SLC25A25: variants seen among roughly 807,000 people sequenced by gnomAD.
SLC25A25 encodes the protein solute carrier family 25 member 25.
A neutral mutation model predicts 57.7 loss-of-function variants in SLC25A25; 32 were observed. The ratio of observed to expected loss-of-function variants is 0.55; its 90% CI spans 0.42 to 0.74. The LOEUF (loss-of-function observed/expected upper bound fraction) is 0.74, where lower values mean the gene tolerates loss of function less well. Ranked by LOEUF, SLC25A25 falls within the 30% of genes least tolerant of loss-of-function variation. SLC25A25 has a pLI of 0.00. For missense variants in SLC25A25, 556 were observed against 701.3 expected, an observed-to-expected ratio of 0.79 and a Z score of 2.34; for synonymous variants, 306 against 291.2, an observed-to-expected ratio of 1.05 and a Z score of -0.52.
At chr9:128,098,444 G>A in intron 1 of SLC25A25, 1 of 1,444,346 alleles carries the variant, frequency 6.9e-7, no homozygotes, top group Non-Finnish European at 9.1e-7. Context: ...TAAAAGGGCA[G>A]GGCTTAAGCA....
Position 128,099,763 on chromosome 9 carries a change from A to G in SLC25A25, c.262-1333A>G, listed in dbSNP as rs930561728. ...CACCTTTGGCAGCTGAGGAATCACA[A>G]GGCGCTGTCAGTAGTGTGTCTAAGA... On this transcript the variant is annotated intron_variant, in intron 1 of 10. Coordinates refer to ENST00000373069, the MANE Select transcript of SLC25A25 (RefSeq NM_001330988.2). The surrounding 1 kb of genome is among the most constrained non-coding windows in gnomAD (Gnocchi z 6.8). Among the ~76,000 whole-genome samples, 1 of 152,146 alleles carries G rather than the reference A, an allele frequency of 6.6e-6. No individual in the cohort carries two copies. The highest frequency in any genetic ancestry group is 1.5e-5 in the Non-Finnish European group (1 of 68,034).
rs1204617470 is a variant in SLC25A25 at position 128,098,547 on chromosome 9, G to A, written c.262-2549G>A. ...TGCTCCCGGTGGTGAGGGCAGTGGA[G>A]CACCCAGCAGGCCGCCAACATGCTC... On this transcript the variant is annotated intron_variant, in intron 1 of 10. Coordinates refer to ENST00000373069, the MANE Select transcript of SLC25A25 (RefSeq NM_001330988.2). The A allele has an allele frequency of 1.9e-6, 3 of 1,604,376 alleles. No homozygotes were observed. In the African/African-American group the frequency reaches 4.0e-5, roughly 21 times the overall value.
At chr9:128,082,852 C>CA (rs1232874348) in intron 1 of SLC25A25, among the ~76,000 whole-genome samples, 1 of 151,638 alleles carries the variant, frequency 6.6e-6, no homozygotes, top group Non-Finnish European at 1.5e-5. Context: ...AGGCTGGTCT[C>CA]AGGTGATCCA....
Position 128,095,459 on chromosome 9 carries a change from A to T in SLC25A25, c.262-5637A>T, listed in dbSNP as rs1414592099. Reference sequence around the variant, plus strand: ...CAGTCTGCAGTTCCAGGAATACAGCAGTTGTCCTGGACACTAGCACCTAGA... The same window carrying T: ...CAGTCTGCAGTTCCAGGAATACAGCTGTTGTCCTGGACACTAGCACCTAGA... On this transcript the variant is annotated intron_variant, in intron 1 of 10. Coordinates refer to ENST00000373069, the MANE Select transcript of SLC25A25 (RefSeq NM_001330988.2). The surrounding 1 kb of genome is among the most constrained non-coding windows in gnomAD (Gnocchi z 4.4). 1.3e-5 allele frequency among the ~76,000 whole-genome samples: 2 copies of T among 152,194 alleles called. No individual in the cohort carries two copies. Among genetic ancestry groups the T allele is most frequent in the African/African-American group, 2.4e-5 (1 of 41,436 alleles).
chr9:128,098,920 G>A, intron 1 of SLC25A25: 1 of 985,448 alleles, frequency 1.0e-6, no homozygotes, highest in African/African-American at 1.7e-5. Flanking sequence ...GACTTCCCAG[G>A]AAGGCTGGAA....
At chr9:128,104,831 AATTATTATTATTATT>A (rs57220788) in intron 6 of SLC25A25, among the ~76,000 whole-genome samples, 54 of 144,564 alleles carry the variant, frequency 3.7e-4, no homozygotes, top group African/African-American at 4.6e-4. Context: ...GATTTTTAAA[AATTATTATTATTATT>A]ATTATTATTA....
At chr9:128,083,936 C>T (rs1259348079) in intron 1 of SLC25A25, among the ~76,000 whole-genome samples, 2 of 152,186 alleles carry the variant, frequency 1.3e-5, no homozygotes, top group Non-Finnish European at 2.9e-5. Context: ...TCTTCTAAGA[C>T]TCCCTTGGGC....
intron 1 of SLC25A25, among the ~76,000 whole-genome samples, chr9:128,082,977 C>A (rs927785556): frequency 2.0e-5 from 3 of 151,900 alleles, no homozygotes; most frequent in Non-Finnish European, 4.4e-5. Context: ...GCCTGTAATC[C>A]CAGCATTCTG....
intron 1 of SLC25A25, chr9:128,098,764 A>T (rs1264261697): frequency 6.2e-7 from 1 of 1,603,902 alleles, no homozygotes; most frequent in Admixed American, 1.7e-5. Context: ...AGGCGCATTC[A>T]ACCGGTATTT....
rs917956614 is a variant in SLC25A25 at position 128,107,355 on chromosome 9, C to T, written c.1459C>T (p.Pro487Ser). The change falls in exon 11 of 11, where the codon CCC becomes TCC. Residue 487 changes from proline (P) to serine (S), a missense_variant. This residue lies in a region of SLC25A25 where 294 missense variants were observed against 389.6 expected (regional missense o/e 0.75). Coordinates refer to ENST00000373069, the MANE Select transcript of SLC25A25 (RefSeq NM_001330988.2). ...CTTCGGGCTGTACAGGGGGCTGGCC[C>T]CCAACTTCATGAAGGTCATCCCAGC... ...GAFGLYRGLAPNFMKVIPAVS... is the reference protein window; with the variant it reads ...GAFGLYRGLASNFMKVIPAVS... 6.6e-7 allele frequency: 1 copy of T among 1,516,998 alleles called. No individual in the cohort carries two copies. Among genetic ancestry groups the T allele is most frequent in the Non-Finnish European group, 8.8e-7 (1 of 1,131,308 alleles). 94.0% of individuals were successfully genotyped at this position (1,516,998 alleles called of 1,614,324 possible). A position where few individuals can be genotyped will look rare whatever the true frequency, so the allele number is the denominator to read the frequency against.
chr9:128,070,970 A>AG (rs34315350), intron 1 of SLC25A25, among the ~76,000 whole-genome samples: 15,806 of 56,046 alleles, frequency 0.28, 804 homozygotes, highest in Middle Eastern at 0.51. Flanking sequence ...AAAAAAAAAA[A>AG]AAAGAAAGAA....
In SLC25A25 at chr9:128,109,188, T is replaced by C. The variant is rs1051203666; in HGVS notation, c.*1744T>C. ...CGTCAAAAAGCAAATTAAGAAAGAA[T>C]TGGACGTTAGAAGTTGTCATTTAAA... is the stretch of plus-strand genomic sequence containing the variant. On this transcript the variant is annotated 3_prime_UTR_variant, in exon 11 of 11. Transcript: ENST00000373069. The C allele has an allele frequency of 1.3e-5, 2 of 152,542 alleles. No individual in the cohort carries two copies. The highest frequency in any genetic ancestry group is 2.9e-5 in the Non-Finnish European group (2 of 68,034). 9.4% of individuals were successfully genotyped at this position (152,542 alleles called of 1,614,324 possible).
chr9:128,088,702 T>C (rs1338815383), intron 1 of SLC25A25, among the ~76,000 whole-genome samples: 2 of 152,214 alleles, frequency 1.3e-5, no homozygotes, highest in Non-Finnish European at 2.9e-5. Context: ...CTTGTAGTTA[T>C]AGGCAGGAAG....
intron 1 of SLC25A25, among the ~76,000 whole-genome samples, chr9:128,082,123 G>A (rs897116638): frequency 3.9e-5 from 6 of 152,164 alleles, no homozygotes; most frequent in Admixed American, 6.5e-5. Flanking sequence ...TTCACCAGGA[G>A]TAAACAGAAG....
At chr9:128,074,428 G>T (rs1832967578) in intron 1 of SLC25A25, among the ~76,000 whole-genome samples, 1 of 152,052 alleles carries the variant, frequency 6.6e-6, no homozygotes, top group South Asian at 2.1e-4. Flanking sequence ...TAAGAATAGG[G>T]CTGGGTGTGG....
At position 128,087,944 on chromosome 9, in the gene SLC25A25, A is replaced by G. The variant is rs533560994; in HGVS notation, c.262-13152A>G. ...TACTTTCTTGTGCATAGGAAGTACA[A>G]TTATGATAATTTTGAATGTCCCTGT... is the stretch of plus-strand genomic sequence containing the variant. On this transcript the variant is annotated intron_variant, in intron 1 of 10. Coordinates refer to ENST00000373069, the MANE Select transcript of SLC25A25 (RefSeq NM_001330988.2). 5.9e-5 allele frequency among the ~76,000 whole-genome samples: 9 copies of G among 152,306 alleles called. No individual in the cohort carries two copies. In the East Asian group the frequency reaches 1.5e-3, roughly 26 times the overall value.
In SLC25A25 at chr9:128,101,299, G is replaced by A. The variant is rs1417286474; in HGVS notation, c.389-10G>A. Reference sequence around the variant, plus strand: ...CGCCTGGCTCCTGCTCACGGCCTCTGTTCTTGCAGGACGCATTGACGCGCA... The same window carrying A: ...CGCCTGGCTCCTGCTCACGGCCTCTATTCTTGCAGGACGCATTGACGCGCA... On this transcript the variant is annotated splice_polypyrimidine_tract_variant and intron_variant, in intron 2 of 10. Transcript: ENST00000373069. The surrounding 1 kb of genome is among the most constrained non-coding windows in gnomAD (Gnocchi z 4.9). The A allele has an allele frequency of 1.9e-6, 3 of 1,614,160 alleles. No individual in the cohort carries two copies. Among genetic ancestry groups the A allele is most frequent in the Non-Finnish European group, 2.5e-6 (3 of 1,180,058 alleles).
intron 1 of SLC25A25, among the ~76,000 whole-genome samples, chr9:128,079,774 C>T (rs1833105889): frequency 1.3e-5 from 2 of 151,088 alleles, no homozygotes; most frequent in African/African-American, 4.9e-5. Flanking sequence ...GGGCGGATCA[C>T]GAGGTCAAGA....
intron 1 of SLC25A25, among the ~76,000 whole-genome samples, chr9:128,074,295 G>C (rs945214184): frequency 2.0e-5 from 3 of 151,606 alleles, no homozygotes; most frequent in African/African-American, 7.3e-5. Context: ...GCCCACCTCA[G>C]CCTCCCAAAG....
Sources: allele counts gnomAD v4.1 joint callset (sites outside exome capture counted in the v4.1 genomes callset), GRCh38; gene constraint gnomAD v4.1.1; regional missense constraint gnomAD v4.1.1; non-coding constraint Gnocchi (gnomAD v3.1); transcripts MANE v1.5; gene names NCBI Gene and HGNC (gene_info 2026-07-23, HGNC 2026-07-21).